NEO1: variants seen among roughly 807,000 people sequenced by gnomAD.
NEO1 encodes the protein neogenin 1.
A neutral mutation model predicts 159.7 loss-of-function variants in NEO1; 63 were observed. That is an observed-to-expected ratio of 0.39 (90% CI 0.32 to 0.49). NEO1 has a LOEUF of 0.49. Among genes scored for constraint, NEO1 ranks in the 20% least tolerant of loss-of-function variants. The pLI, the probability that NEO1 is intolerant of heterozygous loss-of-function variation, is 0.85. For synonymous variants in NEO1, 633 were observed against 662.0 expected, an observed-to-expected ratio of 0.96 and a Z score of 0.67; for missense variants, 1,615 against 1,831.0, an observed-to-expected ratio of 0.88 and a Z score of 2.15.
intron 1 of NEO1, among the ~76,000 whole-genome samples, chr15:73,087,490 G>A (rs2069429427): frequency 6.6e-6 from 1 of 152,140 alleles, no homozygotes; most frequent in Admixed American, 6.5e-5. Context: ...TCTGGTTTTA[G>A]TGTCAGAGTA....
At chr15:73,268,355 A>C (rs2041012277) in intron 16 of NEO1, among the ~76,000 whole-genome samples, 1 of 152,208 alleles carries the variant, frequency 6.6e-6, no homozygotes, top group African/African-American at 2.4e-5. Context: ...TACACAAGAA[A>C]ATGTTCCTAA....
chr15:73,173,145 G>A (rs972805493), intron 5 of NEO1, among the ~76,000 whole-genome samples: 10 of 152,118 alleles, frequency 6.6e-5, no homozygotes, highest in African/African-American at 2.4e-4. Context: ...CAGTTTTCCT[G>A]TATCTAAAAT....
intron 1 of NEO1, among the ~76,000 whole-genome samples, chr15:73,095,659 A>G (rs773016546): frequency 3.8e-5 from 5 of 130,594 alleles, no homozygotes; most frequent in Non-Finnish European, 8.4e-5. Flanking sequence ...AAGATGACCA[A>G]TTAGTCTTTA....
chr15:73,175,381 A>G (rs992375074), intron 5 of NEO1, among the ~76,000 whole-genome samples: 1 of 152,242 alleles, frequency 6.6e-6, no homozygotes, highest in Admixed American at 6.5e-5. Context: ...CTAACAGAGC[A>G]TGAATGAGAT....
chr15:73,142,581 A>G (rs1021341146), intron 5 of NEO1, among the ~76,000 whole-genome samples: 1 of 152,082 alleles, frequency 6.6e-6, no homozygotes, highest in African/African-American at 2.4e-5. Flanking sequence ...GTAGCATCCA[A>G]CATCGCAGTG....
At chr15:73,222,061 C>T (rs140404798) in intron 7 of NEO1, 3,202 of 139,218 alleles carry the variant, frequency 0.023, 118 homozygotes, top group African/African-American at 0.08. Flanking sequence ...TGTTCCTATT[C>T]GGCCATCTTC....
chr15:73,079,508 G>A (rs1045763700), intron 1 of NEO1, among the ~76,000 whole-genome samples: 6 of 151,860 alleles, frequency 4.0e-5, no homozygotes, highest in Admixed American at 6.6e-5. Context: ...TAGGCCAGTG[G>A]GTTTTCTTTG....
At chr15:73,284,264 G>T (rs955836225) in intron 23 of NEO1, among the ~76,000 whole-genome samples, 1 of 152,166 alleles carries the variant, frequency 6.6e-6, no homozygotes, top group Non-Finnish European at 1.5e-5. Context: ...TAAGATGGGG[G>T]TGTTGCTCCG....
chr15:73,238,236 G>C (rs994109250), intron 8 of NEO1, among the ~76,000 whole-genome samples: 1 of 134,392 alleles, frequency 7.4e-6, no homozygotes, highest in African/African-American at 2.9e-5. Context: ...TGGTATGTGT[G>C]TGGTATTTTT....
intron 7 of NEO1, among the ~76,000 whole-genome samples, chr15:73,193,732 T>G (rs2036367098): frequency 1.3e-5 from 2 of 151,436 alleles, no homozygotes; most frequent in African/African-American, 4.9e-5. Context: ...TCTGAAAGAT[T>G]CTACACAGTG....
intron 1 of NEO1, among the ~76,000 whole-genome samples, chr15:73,078,969 CAG>C (rs879739319): frequency 6.6e-5 from 10 of 152,234 alleles, no homozygotes; most frequent in Admixed American, 2.0e-4. Flanking sequence ...AAATACTAAA[CAG>C]TGTGGTTTTC....
intron 1 of NEO1, among the ~76,000 whole-genome samples, chr15:73,106,555 A>C (rs928905584): frequency 6.6e-6 from 1 of 152,214 alleles, no homozygotes; most frequent in African/African-American, 2.4e-5. Context: ...TAGATGAGCT[A>C]CATTAAGTTA....
intron 1 of NEO1, among the ~76,000 whole-genome samples, chr15:73,099,619 A>G (rs1595978448): frequency 6.6e-6 from 1 of 152,344 alleles, no homozygotes; most frequent in East Asian, 1.9e-4. Flanking sequence ...TTCTGTTAGT[A>G]AAGCTGCTGA....
intron 5 of NEO1, among the ~76,000 whole-genome samples, chr15:73,142,548 C>CG (rs1555435905): frequency 6.6e-6 from 1 of 152,018 alleles, no homozygotes; most frequent in Non-Finnish European, 1.5e-5. Context: ...CAGAGGTCCC[C>CG]GCTGGCCCAG....
At chr15:73,193,357 G>A (rs1327397116) in intron 7 of NEO1, among the ~76,000 whole-genome samples, 1 of 151,960 alleles carries the variant, frequency 6.6e-6, no homozygotes, top group Non-Finnish European at 1.5e-5. Context: ...TGGAAACTCA[G>A]TTAAGTGACT....
At chr15:73,076,622 A>G (rs752901134) in intron 1 of NEO1, among the ~76,000 whole-genome samples, 6 of 152,144 alleles carry the variant, frequency 3.9e-5, no homozygotes, top group Non-Finnish European at 8.8e-5. Context: ...AGCTTAAGTA[A>G]CTTCATTCTA....
chr15:73,145,014 C>T (rs902823087), intron 5 of NEO1, among the ~76,000 whole-genome samples: 2 of 152,138 alleles, frequency 1.3e-5, no homozygotes, highest in Non-Finnish European at 2.9e-5. Flanking sequence ...CCTGGTCTCT[C>T]CTCAAATCCA....
At position 73,093,799 on chromosome 15, in the gene NEO1, G is replaced by A. The variant is rs1244859159; in HGVS notation, c.131-22741G>A. On this transcript the variant is annotated intron_variant, in intron 1 of 28. Transcript: ENST00000261908. ...TCGCCATGCTTCCCTGGCTGGTCTCGAACTCCTAAGCTCAAGCAATCCACC... is the reference window on the plus strand; with the variant it reads ...TCGCCATGCTTCCCTGGCTGGTCTCAAACTCCTAAGCTCAAGCAATCCACC... 2.0e-5 allele frequency among the ~76,000 whole-genome samples: 3 copies of A among 151,960 alleles called. No individual in the cohort carries two copies. The East Asian group carries it at 5.8e-4, about 30-fold the overall frequency.
At chr15:73,293,570 C>A (rs2042241258) in intron 26 of NEO1, 22 bp downstream of exon 26, 1 of 1,605,002 alleles carries the variant, frequency 6.2e-7, no homozygotes. Flanking sequence ...GGATCAAGCC[C>A]AGATGGAAAC....
Sources: allele counts gnomAD v4.1 joint callset (sites outside exome capture counted in the v4.1 genomes callset), GRCh38; gene constraint gnomAD v4.1.1; transcripts MANE v1.5; gene names NCBI Gene and HGNC (gene_info 2026-07-23, HGNC 2026-07-21).